The following RAP2B variants were observed in gnomAD, a reference collection of about 807,000 sequenced individuals.
RAP2B encodes the protein RAP2B, member of RAS oncogene family.
RAP2B carries 6 observed loss-of-function variants against 14.4 expected under a neutral mutation model. The observed-to-expected ratio is 0.42, with a 90% CI of 0.23 to 0.82. The LOEUF is 0.82. Ranked by LOEUF, RAP2B falls within the 40% of genes least tolerant of loss-of-function variation. The pLI, the probability that RAP2B is intolerant of heterozygous loss-of-function variation, is 0.30. For synonymous variants in RAP2B, 118 were observed against 113.2 expected, an observed-to-expected ratio of 1.04 and a Z score of -0.27; for missense variants, 137 against 248.2, an observed-to-expected ratio of 0.55 and a Z score of 3.01.
rs1044704486 is a variant in RAP2B at position 153,163,590 on chromosome 3, TGGG to T, written c.*350_*352del. ...CAAAAGTTTCAGCCTGGAAAAAAAA[TGGG>T]GGGGAAGGGTGGATGAAAAGGAGGG... On this transcript the variant is annotated 3_prime_UTR_variant, in exon 1 of 1. Coordinates refer to ENST00000323534, the MANE Select transcript of RAP2B (RefSeq NM_002886.4). 1 of 189,450 alleles carries T rather than the reference TGGG, an allele frequency of 5.3e-6. No individual in the cohort carries two copies. The highest frequency in any genetic ancestry group is 1.1e-5 in the Non-Finnish European group (1 of 89,140). 11.7% of individuals were successfully genotyped at this position (189,450 alleles called of 1,614,324 possible).
chr3:153,163,476 T>A lies in RAP2B; in HGVS notation c.*231T>A. 5.2e-6 allele frequency: 3 copies of A among 571,890 alleles called. No individual in the cohort carries two copies. Among genetic ancestry groups the A allele is most frequent in the South Asian group, 5.0e-5 (2 of 40,344 alleles). 35.4% of individuals were successfully genotyped at this position (571,890 alleles called of 1,614,324 possible). ...GGTGGAAATGTGGCTCTTTGCAGCATGTACGTTTCTCCCTGATTTTGGTTG... is the reference window on the plus strand; with the variant it reads ...GGTGGAAATGTGGCTCTTTGCAGCAAGTACGTTTCTCCCTGATTTTGGTTG... On this transcript the variant is annotated 3_prime_UTR_variant, in exon 1 of 1. Coordinates refer to ENST00000323534, the MANE Select transcript of RAP2B (RefSeq NM_002886.4).
chr3:153,162,714 G>A lies in RAP2B; in HGVS notation c.21G>A (p.Val7=), dbSNP rs1713444670. 6.2e-7 allele frequency: 1 copy of A among 1,612,460 alleles called. No individual in the cohort carries two copies. The highest frequency in any genetic ancestry group is 8.5e-7 in the Non-Finnish European group (1 of 1,179,520). ...GAGCCATGAGAGAGTACAAAGTGGT[G>A]GTGCTGGGCTCGGGCGGCGTGGGCA... MREYKV[V]VLGSGGVGKS... is the part of the protein sequence containing the mutation. The change falls in exon 1 of 1, where the codon GTG becomes GTA. Residue 7 remains valine, a synonymous_variant. Coordinates refer to ENST00000323534, the MANE Select transcript of RAP2B (RefSeq NM_002886.4). This position sits in a 1 kb window ranked among gnomAD's most constrained non-coding sequence, Gnocchi z 4.9.
At position 153,167,844 on chromosome 3, in the gene RAP2B, C is replaced by T. The variant is rs963761032; in HGVS notation, c.*4599C>T. The T allele has an allele frequency of 1.5e-4, 25 of 166,816 alleles. No homozygotes were observed. The highest frequency in any genetic ancestry group is 5.8e-4 in the African/African-American group (24 of 41,430). 10.3% of individuals were successfully genotyped at this position (166,816 alleles called of 1,614,324 possible). ...TGATCAGAATCAACATTCCCCTTCT[C>T]CCCAACCTAGGGGAAAAAAAATTTG... is the stretch of plus-strand genomic sequence containing the variant. On this transcript the variant is annotated 3_prime_UTR_variant, in exon 1 of 1. Coordinates refer to ENST00000323534, the MANE Select transcript of RAP2B (RefSeq NM_002886.4).
At position 153,162,540 on chromosome 3, in the gene RAP2B, T is replaced by G; in HGVS notation, c.-154T>G. The stretch of plus-strand genomic sequence containing the variant: ...GGCCCGGCGCCCGGCCTCCGTTCGG[T>G]GGTTTCCGCCCTGCGTTCTCTGGGT... On this transcript the variant is annotated 5_prime_UTR_variant, in exon 1 of 1. Coordinates refer to ENST00000323534, the MANE Select transcript of RAP2B (RefSeq NM_002886.4). This position sits in a 1 kb window ranked among gnomAD's most constrained non-coding sequence, Gnocchi z 4.9. 4 of 886,582 alleles carry G rather than the reference T, an allele frequency of 4.5e-6. No homozygotes were observed. Among genetic ancestry groups the G allele is most frequent in the Non-Finnish European group, 6.3e-6 (4 of 633,130 alleles). The allele number at this position is 886,582 out of a possible 1,614,324, so 54.9% of individuals were successfully genotyped here. A position where few individuals can be genotyped will look rare whatever the true frequency, so the allele number is the denominator to read the frequency against.
Position 153,162,548 on chromosome 3 carries a change from G to A in RAP2B, c.-146G>A, listed in dbSNP as rs1171997807. ...GCCCGGCCTCCGTTCGGTGGTTTCC[G>A]CCCTGCGTTCTCTGGGTTGCTCTCT... On this transcript the variant is annotated 5_prime_UTR_variant, in exon 1 of 1. Transcript: ENST00000323534. The surrounding 1 kb of genome is among the most constrained non-coding windows in gnomAD (Gnocchi z 4.9). 3.0e-6 allele frequency: 3 copies of A among 1,011,914 alleles called. No homozygotes were observed. The highest frequency in any genetic ancestry group is 2.8e-5 in the East Asian group (1 of 35,210). The allele number at this position is 1,011,914 out of a possible 1,614,324, so 62.7% of individuals were successfully genotyped here. A position where few individuals can be genotyped will look rare whatever the true frequency, so the allele number is the denominator to read the frequency against.
rs1713567918 is a variant in RAP2B at position 153,166,104 on chromosome 3, C to T, written c.*2859C>T. On this transcript the variant is annotated 3_prime_UTR_variant, in exon 1 of 1. Transcript: ENST00000323534. ...CCCAGGATTTAGTCACTTGCAGGAC[C>T]TCTTTATAGTCTAGGATGGCAGAGC... is the stretch of plus-strand genomic sequence containing the variant. 6.0e-6 allele frequency: 1 copy of T among 166,946 alleles called. No individual in the cohort carries two copies. Among genetic ancestry groups the T allele is most frequent in the Admixed American group, 6.5e-5 (1 of 15,278 alleles). 10.3% of individuals were successfully genotyped at this position (166,946 alleles called of 1,614,324 possible).
In RAP2B at chr3:153,165,499, G is replaced by A. The variant is rs1713549390; in HGVS notation, c.*2254G>A. 1 of 165,480 alleles carries A rather than the reference G, an allele frequency of 6.0e-6. No individual in the cohort carries two copies. The highest frequency in any genetic ancestry group is 2.4e-5 in the African/African-American group (1 of 41,424). The allele number at this position is 165,480 out of a possible 1,614,324, so 10.3% of individuals were successfully genotyped here. On this transcript the variant is annotated 3_prime_UTR_variant, in exon 1 of 1. Coordinates refer to ENST00000323534, the MANE Select transcript of RAP2B (RefSeq NM_002886.4). ...CTGAAATCTGAAGAGTCTTGACAAA[G>A]GGATTTACACCCTTGACAAAACCAA...
In RAP2B at chr3:153,162,954, G is replaced by C. The variant is rs761606129; in HGVS notation, c.261G>C (p.Gln87His). 9.3e-6 allele frequency: 15 copies of C among 1,614,160 alleles called. No individual in the cohort carries two copies. The highest frequency in any genetic ancestry group is 1.3e-5 in the Non-Finnish European group (15 of 1,180,034). ...GFILVYSLVN[Q>H]QSFQDIKPMR... ...TCCTGGTCTACAGCCTCGTCAACCAGCAGAGCTTCCAGGACATCAAGCCCA... is the reference window on the plus strand; with the variant it reads ...TCCTGGTCTACAGCCTCGTCAACCACCAGAGCTTCCAGGACATCAAGCCCA... The change falls in exon 1 of 1, where the codon CAG becomes CAC. Residue 87 changes from glutamine (Q) to histidine (H), a missense_variant. Around this residue, in one of 2 missense-constraint regions of RAP2B, gnomAD observed 106 missense variants for 143.5 expected, o/e 0.74. Transcript: ENST00000323534. This position sits in a 1 kb window ranked among gnomAD's most constrained non-coding sequence, Gnocchi z 4.9.
chr3:153,162,486 C>G lies in RAP2B; in HGVS notation c.-208C>G, dbSNP rs1217744983. Reference sequence around the variant, plus strand: ...CTGCTGCGGGGCCCGGACCCGCACCCCAGGGATACGCTGCCGCCGCCGCCG... The same window carrying G: ...CTGCTGCGGGGCCCGGACCCGCACCGCAGGGATACGCTGCCGCCGCCGCCG... On this transcript the variant is annotated 5_prime_UTR_variant, in exon 1 of 1. Transcript: ENST00000323534. The surrounding 1 kb of genome is among the most constrained non-coding windows in gnomAD (Gnocchi z 4.9). 7 of 513,780 alleles carry G rather than the reference C, an allele frequency of 1.4e-5. No individual in the cohort carries two copies. The highest frequency in any genetic ancestry group is 2.3e-5 in the Non-Finnish European group (7 of 306,618). The allele number at this position is 513,780 out of a possible 1,614,324, so 31.8% of individuals were successfully genotyped here. A position where few individuals can be genotyped will look rare whatever the true frequency, so the allele number is the denominator to read the frequency against.
rs1022566887 is a variant in RAP2B, at chr3:153,164,924, G to A, written c.*1679G>A. On this transcript the variant is annotated 3_prime_UTR_variant, in exon 1 of 1. Coordinates refer to ENST00000323534, the MANE Select transcript of RAP2B (RefSeq NM_002886.4). ...GGAGAAAACCATCAAGGTCGAGGAA[G>A]CCCTGGGTATGGCCATTACCATCTG... is the stretch of plus-strand genomic sequence containing the variant. The A allele has an allele frequency of 2.4e-5, 4 of 167,056 alleles. No individual in the cohort carries two copies. Among genetic ancestry groups the A allele is most frequent in the Non-Finnish European group, 4.4e-5 (3 of 68,118 alleles). The allele number at this position is 167,056 out of a possible 1,614,324, so 10.3% of individuals were successfully genotyped here.
rs1476142285 is a variant in RAP2B, at chr3:153,168,798, A to G, written c.*5553A>G. On this transcript the variant is annotated 3_prime_UTR_variant, in exon 1 of 1. Transcript: ENST00000323534. ...TATTCTAAGGTTCATTTTCAACAAA[A>G]GTTACAGACATTTATGGTTGATAGT... The G allele has an allele frequency of 6.6e-6, 1 of 152,188 alleles. No homozygotes were observed. Among genetic ancestry groups the G allele is most frequent in the Non-Finnish European group, 1.5e-5 (1 of 68,038 alleles). The allele number at this position is 152,188 out of a possible 1,614,324, so 9.4% of individuals were successfully genotyped here.
At position 153,168,574 on chromosome 3, in the gene RAP2B, G is replaced by C. The variant is rs1285590020; in HGVS notation, c.*5329G>C. ...TTAATAGCTATTTGCTGAATGAATG[G>C]AACATGGAGTGTTACATCTGAAACT... On this transcript the variant is annotated 3_prime_UTR_variant, in exon 1 of 1. Transcript: ENST00000323534. 3.2e-5 allele frequency: 5 copies of C among 154,156 alleles called. No individual in the cohort carries two copies. Among genetic ancestry groups the C allele is most frequent in the African/African-American group, 1.2e-4 (5 of 41,424 alleles). 9.5% of individuals were successfully genotyped at this position (154,156 alleles called of 1,614,324 possible). A position where few individuals can be genotyped will look rare whatever the true frequency, so the allele number is the denominator to read the frequency against.
rs1044704486 is a variant in RAP2B at position 153,163,590 on chromosome 3, TG to T, written c.*352del. On this transcript the variant is annotated 3_prime_UTR_variant, in exon 1 of 1. Coordinates refer to ENST00000323534, the MANE Select transcript of RAP2B (RefSeq NM_002886.4). Reference sequence around the variant, plus strand: ...CAAAAGTTTCAGCCTGGAAAAAAAATGGGGGGGAAGGGTGGATGAAAAGGAG... The same window carrying T: ...CAAAAGTTTCAGCCTGGAAAAAAAATGGGGGGAAGGGTGGATGAAAAGGAG... 2.6e-5 allele frequency: 5 copies of T among 189,450 alleles called. No homozygotes were observed. Among genetic ancestry groups the T allele is most frequent in the Non-Finnish European group, 3.4e-5 (3 of 89,138 alleles). The allele number at this position is 189,450 out of a possible 1,614,324, so 11.7% of individuals were successfully genotyped here. A position where few individuals can be genotyped will look rare whatever the true frequency, so the allele number is the denominator to read the frequency against.
chr3:153,168,103 G>A lies in RAP2B; in HGVS notation c.*4858G>A, dbSNP rs1285492290. 1 of 166,926 alleles carries A rather than the reference G, an allele frequency of 6.0e-6. No individual in the cohort carries two copies. Among genetic ancestry groups the A allele is most frequent in the Non-Finnish European group, 1.5e-5 (1 of 68,092 alleles). The allele number at this position is 166,926 out of a possible 1,614,324, so 10.3% of individuals were successfully genotyped here. A position where few individuals can be genotyped will look rare whatever the true frequency, so the allele number is the denominator to read the frequency against. On this transcript the variant is annotated 3_prime_UTR_variant, in exon 1 of 1. Coordinates refer to ENST00000323534, the MANE Select transcript of RAP2B (RefSeq NM_002886.4). Reference sequence around the variant, plus strand: ...CTACTGTAATCCATTCTGGGAAAATGCATACCACAAAACTGTGTATCTTGC... The same window carrying A: ...CTACTGTAATCCATTCTGGGAAAATACATACCACAAAACTGTGTATCTTGC...
chr3:153,166,605 T>A lies in RAP2B; in HGVS notation c.*3360T>A, dbSNP rs1324687079. On this transcript the variant is annotated 3_prime_UTR_variant, in exon 1 of 1. Coordinates refer to ENST00000323534, the MANE Select transcript of RAP2B (RefSeq NM_002886.4). ...TATTTCAAAAGGGTTATTTTTGTCC[T>A]CCTTTTTTAATAGCTTCAGGAAAGT... 2 of 167,082 alleles carry A rather than the reference T, an allele frequency of 1.2e-5. No homozygotes were observed. The highest frequency in any genetic ancestry group is 1.3e-4 in the Admixed American group (2 of 15,282). The allele number at this position is 167,082 out of a possible 1,614,324, so 10.3% of individuals were successfully genotyped here.
rs1383293436 is a variant in RAP2B at position 153,169,749 on chromosome 3, ATAATT to A, written c.*6506_*6510del. ...TGAGCCACTGCACCCGGCTGAGATG[ATAATT>A]TTATTTAAAAAAAAAATTGTAGAGA... On this transcript the variant is annotated 3_prime_UTR_variant, in exon 1 of 1. Transcript: ENST00000323534. The A allele has an allele frequency of 1.3e-5, 2 of 151,396 alleles. No homozygotes were observed. The highest frequency in any genetic ancestry group is 2.9e-5 in the Non-Finnish European group (2 of 68,020). 9.4% of individuals were successfully genotyped at this position (151,396 alleles called of 1,614,324 possible). A position where few individuals can be genotyped will look rare whatever the true frequency, so the allele number is the denominator to read the frequency against.
rs1339573785 is a variant in RAP2B at position 153,164,742 on chromosome 3, T to G, written c.*1497T>G. ...AAGAAACAAACCCAAAACTATTGTT[T>G]GTGTTTCTGTGTTTCATATTCAGTG... On this transcript the variant is annotated 3_prime_UTR_variant, in exon 1 of 1. Transcript: ENST00000323534. 6.0e-6 allele frequency: 1 copy of G among 167,050 alleles called. No individual in the cohort carries two copies. The highest frequency in any genetic ancestry group is 6.5e-5 in the Admixed American group (1 of 15,290). 10.3% of individuals were successfully genotyped at this position (167,050 alleles called of 1,614,324 possible). A position where few individuals can be genotyped will look rare whatever the true frequency, so the allele number is the denominator to read the frequency against.
Position 153,170,299 on chromosome 3 carries a change from G to T in RAP2B, c.*7054G>T, listed in dbSNP as rs537295484. Reference sequence around the variant, plus strand: ...AATTATCAAGAATATGGTTGCAGTGGAAATTGGTAAACAGCTGAAATTGAT... The same window carrying T: ...AATTATCAAGAATATGGTTGCAGTGTAAATTGGTAAACAGCTGAAATTGAT... On this transcript the variant is annotated 3_prime_UTR_variant, in exon 1 of 1. Transcript: ENST00000323534. 2 of 152,342 alleles carry T rather than the reference G, an allele frequency of 1.3e-5. No homozygotes were observed. The highest frequency in any genetic ancestry group is 1.3e-4 in the Admixed American group (2 of 15,306). 9.4% of individuals were successfully genotyped at this position (152,342 alleles called of 1,614,324 possible).
rs1305268466 is a variant in RAP2B at position 153,162,653 on chromosome 3, G to C, written c.-41G>C. On this transcript the variant is annotated 5_prime_UTR_variant, in exon 1 of 1. Transcript: ENST00000323534. The surrounding 1 kb of genome is among the most constrained non-coding windows in gnomAD (Gnocchi z 4.9). ...CCAGCCTTCCCCGGCGCGCAGCCCC[G>C]ACGGGGCCGCGGCAGGCGCGGCGAG... 2.1e-5 allele frequency: 32 copies of C among 1,557,204 alleles called. No homozygotes were observed. The highest frequency in any genetic ancestry group is 2.5e-5 in the Non-Finnish European group (29 of 1,154,072).
Sources: allele counts gnomAD v4.1 joint callset, GRCh38; gene constraint gnomAD v4.1.1; regional missense constraint gnomAD v4.1.1; non-coding constraint Gnocchi (gnomAD v3.1); transcripts MANE v1.5; gene names NCBI Gene and HGNC (gene_info 2026-07-23, HGNC 2026-07-21).